SHANK1: variants seen among roughly 807,000 people sequenced by gnomAD.
SHANK1 encodes SH3 and multiple ankyrin repeat domains 1, also known as SH3 and multiple ankyrin repeat domains protein 1.
SHANK1 carries 35 observed loss-of-function variants against 165.6 expected under a neutral mutation model. The ratio of observed to expected loss-of-function variants is 0.21; its 90% CI spans 0.16 to 0.28. The LOEUF (loss-of-function observed/expected upper bound fraction) is 0.28. Ranked by LOEUF, SHANK1 falls within the 10% of genes least tolerant of loss-of-function variation. SHANK1 has a pLI of 1.00. For synonymous variants in SHANK1, 1,428 were observed against 1,384.8 expected, an observed-to-expected ratio of 1.03 and a Z score of -0.69; for missense variants, 2,681 against 3,036.4, an observed-to-expected ratio of 0.88 and a Z score of 2.75.
chr19:50,687,094 G>A, intron 19 of SHANK1: 1 of 1,315,328 alleles, frequency 7.6e-7, no homozygotes, highest in Non-Finnish European at 9.9e-7. Context: ...TCAGGGGAAG[G>A]TGAGGGGCCC....
rs561341528 is a variant in SHANK1, at chr19:50,717,407, G to A, written c.-43-445C>T. Among the ~76,000 whole-genome samples the A allele has an allele frequency of 2.0e-3, 302 of 152,296 alleles. 2 individuals carry two copies. Among genetic ancestry groups the A allele is most frequent in the African/African-American group, 6.5e-3 (271 of 41,576 alleles). On this transcript the variant is annotated intron_variant, in intron 1 of 23. Transcript: ENST00000293441. This position sits in a 1 kb window ranked among gnomAD's most constrained non-coding sequence, Gnocchi z 5.5. The stretch of plus-strand genomic sequence containing the variant: ...CAGCCTGGCCCCTCATCCCAGGGCC[G>A]GGGGGTGGGGTTGGGGAGAAGCTGA...
rs778826350 is a variant in SHANK1 at position 50,704,212 on chromosome 19, C to T, written c.1156-26G>A. On this transcript the variant is annotated intron_variant, in intron 9 of 23. Transcript: ENST00000293441. ...CTGGAGGGAGGGGGTAGAGGCAGGT[C>T]GGCCAGGGGGGCCCAGGCAGCAGAG... 2.5e-5 allele frequency: 40 copies of T among 1,611,024 alleles called. 1 individual carries two copies. Among genetic ancestry groups the T allele is most frequent in the African/African-American group, 5.4e-5 (4 of 74,732 alleles).
At chr19:50,665,737 T>TAAAAAAAAAAAAA (rs71182756) in intron 23 of SHANK1, among the ~76,000 whole-genome samples, 19 of 98,162 alleles carry the variant, frequency 1.9e-4, no homozygotes, top group African/African-American at 6.6e-4. Flanking sequence ...ACCCTGTTTC[T>TAAAAAAAAAAAAA]AAAAAAAAAA....
At position 50,718,816 on chromosome 19, in the gene SHANK1, G is replaced by A. The variant is rs2089098844; in HGVS notation, c.-44+590C>T. ...GAGAACCCGGCCGGGGAGAGGGGCG[G>A]GGGGCACCGGGGAGCAGGAGTCGGG... is the stretch of plus-strand genomic sequence containing the variant. On this transcript the variant is annotated intron_variant, in intron 1 of 23. Transcript: ENST00000293441. The surrounding 1 kb of genome is among the most constrained non-coding windows in gnomAD (Gnocchi z 5.1). Among the ~76,000 whole-genome samples, 1 of 149,900 alleles carries A rather than the reference G, an allele frequency of 6.7e-6. No individual in the cohort carries two copies.
intron 10 of SHANK1, 31 bp from the exon 11 acceptor site, chr19:50,703,861 A>G: frequency 3.8e-6 from 4 of 1,049,870 alleles, no homozygotes; most frequent in Non-Finnish European, 5.3e-6. Flanking sequence ...CGGGGGGCAG[A>G]TGTTAGGGGA....
At chr19:50,703,885 G>A in intron 10 of SHANK1, 55 bp from the exon 11 acceptor site, 1 of 788,372 alleles carries the variant, frequency 1.3e-6, no homozygotes, top group African/African-American at 1.8e-5. Flanking sequence ...AAGGCAAGCA[G>A]GGGGCCATGC....
intron 15 of SHANK1, among the ~76,000 whole-genome samples, chr19:50,693,461 A>G (rs963380322): frequency 1.3e-5 from 2 of 150,272 alleles, no homozygotes; most frequent in African/African-American, 4.9e-5. Context: ...AGCCCACACA[A>G]TGCTTTTCCC....
At chr19:50,700,709 G>A (rs575404055) in intron 12 of SHANK1, among the ~76,000 whole-genome samples, 5 of 152,160 alleles carry the variant, frequency 3.3e-5, no homozygotes, top group East Asian at 1.9e-4. Flanking sequence ...CTCTCCCTGC[G>A]TAGAAGCATT....
rs117454136 is a variant in SHANK1 at position 50,713,720 on chromosome 19, G to T, written c.792+78C>A. On this transcript the variant is annotated intron_variant, in intron 6 of 23. Coordinates refer to ENST00000293441, the MANE Select transcript of SHANK1 (RefSeq NM_016148.5). The surrounding 1 kb of genome is among the most constrained non-coding windows in gnomAD (Gnocchi z 6.2). ...GGGCCTATTTTTAACTGAAACCAAA[G>T]AACTGAGGTTTGAGAAAGAACAAAG... 3 of 1,571,176 alleles carry T rather than the reference G, an allele frequency of 1.9e-6. No homozygotes were observed. The highest frequency in any genetic ancestry group is 1.1e-5 in the South Asian group (1 of 88,396).
At chr19:50,687,524 C>G (rs1364651171) in intron 19 of SHANK1, 58 bp downstream of exon 19, 22 of 1,367,006 alleles carry the variant, frequency 1.6e-5, no homozygotes, top group Non-Finnish European at 2.2e-5. Context: ...AAGGGATGGT[C>G]CAGCCCTCCT....
rs563320538 is a variant in SHANK1, at chr19:50,704,371, A to G, written c.1155+66T>C. 5.9e-5 allele frequency: 87 copies of G among 1,466,428 alleles called. 1 individual carries two copies. In the African/African-American group the frequency reaches 1.1e-3, roughly 18 times the overall value. 90.8% of individuals were successfully genotyped at this position (1,466,428 alleles called of 1,614,324 possible). ...TTCCTCATTGTCCCCTTCCTTATCCACTGGGTGTCACTGTCACCCTTTCCT... is the reference window on the plus strand; with the variant it reads ...TTCCTCATTGTCCCCTTCCTTATCCGCTGGGTGTCACTGTCACCCTTTCCT... On this transcript the variant is annotated intron_variant, in intron 9 of 23. Coordinates refer to ENST00000293441, the MANE Select transcript of SHANK1 (RefSeq NM_016148.5).
intron 21 of SHANK1, 109 bp from the exon 22 acceptor site, chr19:50,672,223 C>T (rs1985820190): frequency 1.1e-6 from 1 of 892,828 alleles, no homozygotes; most frequent in Non-Finnish European, 1.7e-6. Flanking sequence ...CTTCCCTAAG[C>T]CCCTGCCGTA....
At chr19:50,680,916 A>C (rs1986158160) in intron 21 of SHANK1, among the ~76,000 whole-genome samples, 1 of 152,134 alleles carries the variant, frequency 6.6e-6, no homozygotes, top group Admixed American at 6.5e-5. Context: ...TTGGCCTCCC[A>C]AAGTGCTGGG....
chr19:50,696,221 G>A (rs1986735305), intron 15 of SHANK1, among the ~76,000 whole-genome samples: 2 of 152,306 alleles, frequency 1.3e-5, no homozygotes, highest in African/African-American at 4.8e-5. Flanking sequence ...GACCCAGAGA[G>A]ACACTGGTAG....
chr19:50,694,769 G>C (rs992120480), intron 15 of SHANK1, among the ~76,000 whole-genome samples: 4 of 147,476 alleles, frequency 2.7e-5, no homozygotes, highest in Non-Finnish European at 6.0e-5. Flanking sequence ...TAGGGAAGAG[G>C]AGCGGAGGGG....
intron 15 of SHANK1, among the ~76,000 whole-genome samples, chr19:50,690,000 T>C (rs1185671110): frequency 6.6e-6 from 1 of 152,174 alleles, no homozygotes; most frequent in East Asian, 1.9e-4. Context: ...AAAAATTCAA[T>C]TCCTCAGTCA....
In SHANK1 at chr19:50,703,668, G is replaced by C. The variant is rs761091205; in HGVS notation, c.1385C>G (p.Pro462Arg). ...GCCCTGGGACCCTGAGGTAGGGCCA[G>C]GGGCCCCAGAGGACGCGGCCCCCGG... ...SAPGAASSGA[P>R]GPTSGSQGQS... Residue 462 changes from proline (P) to arginine (R), a missense_variant, in exon 11 of 24, where the codon CCT becomes CGT. This residue lies in a region of SHANK1 where 195 missense variants were observed against 186.2 expected (regional missense o/e 1.05). Coordinates refer to ENST00000293441, the MANE Select transcript of SHANK1 (RefSeq NM_016148.5). The C allele has an allele frequency of 6.7e-7, 1 of 1,494,164 alleles. No homozygotes were observed. Among genetic ancestry groups the C allele is most frequent in the Non-Finnish European group, 8.9e-7 (1 of 1,122,950 alleles). The allele number at this position is 1,494,164 out of a possible 1,614,324, so 92.6% of individuals were successfully genotyped here.
At chr19:50,681,113 C>T (rs1461586868) in intron 21 of SHANK1, among the ~76,000 whole-genome samples, 3 of 151,782 alleles carry the variant, frequency 2.0e-5, no homozygotes, top group Non-Finnish European at 2.9e-5. Flanking sequence ...AATGGGAAAT[C>T]GAGACACCGA....
chr19:50,662,788 ATAAGGGTAGGGG>A lies in SHANK1; in HGVS notation c.5769-118_5769-107del. The A allele has an allele frequency of 8.6e-7, 1 of 1,168,726 alleles. No homozygotes were observed. Among genetic ancestry groups the A allele is most frequent in the Non-Finnish European group, 1.2e-6 (1 of 818,346 alleles). 72.4% of individuals were successfully genotyped at this position (1,168,726 alleles called of 1,614,324 possible). ...GATATAGGGAGAGAGGAGGAGAGACATAAGGGTAGGGGGAGAGACGGAGGAGAGACGGGAAGA... is the reference window on the plus strand; with the variant it reads ...GATATAGGGAGAGAGGAGGAGAGACAGAGAGACGGAGGAGAGACGGGAAGA... On this transcript the variant is annotated intron_variant, in intron 23 of 23. Transcript: ENST00000293441. The surrounding 1 kb of genome is among the most constrained non-coding windows in gnomAD (Gnocchi z 7.7).
Sources: allele counts gnomAD v4.1 joint callset (sites outside exome capture counted in the v4.1 genomes callset), GRCh38; gene constraint gnomAD v4.1.1; regional missense constraint gnomAD v4.1.1; non-coding constraint Gnocchi (gnomAD v3.1); transcripts MANE v1.5; gene names NCBI Gene and HGNC (gene_info 2026-07-23, HGNC 2026-07-21).